The following COL13A1 variants were observed in gnomAD, a reference collection of about 807,000 sequenced individuals.
COL13A1 encodes collagen type XIII alpha 1 chain.
A neutral mutation model predicts 130.9 loss-of-function variants in COL13A1; 89 were observed. That is an observed-to-expected ratio of 0.68 (90% confidence interval 0.57 to 0.81). COL13A1 has a LOEUF of 0.81. COL13A1 is among the 30% of genes least tolerant of loss of function. The pLI, the probability that COL13A1 is intolerant of heterozygous loss-of-function variation, is 0.00. For missense variants in COL13A1, 879 were observed against 934.6 expected (o/e 0.94, Z 0.78); for synonymous variants, 402 against 341.6 (o/e 1.18, Z -1.95).
At chr10:69,871,483 G>A (rs2059065973) in intron 3 of COL13A1, among the ~76,000 whole-genome samples, 1 of 152,110 alleles carries the variant, frequency 6.6e-6, no homozygotes, top group Non-Finnish European at 1.5e-5. Context: ...ATTCCCCAAG[G>A]ACTCCCCACC....
chr10:69,852,135 C>G (rs879620274), intron 2 of COL13A1, among the ~76,000 whole-genome samples: 12 of 152,200 alleles, frequency 7.9e-5, no homozygotes, highest in Non-Finnish European at 1.2e-4. Flanking sequence ...TAGGTTTCGA[C>G]TCCAACACCA....
At chr10:69,907,057 C>A (rs574188965) in intron 17 of COL13A1, among the ~76,000 whole-genome samples, 1 of 152,144 alleles carries the variant, frequency 6.6e-6, no homozygotes, top group Admixed American at 6.6e-5. Context: ...CCACTGTGGG[C>A]CTTCCACTAG....
At chr10:69,866,956 G>T (rs570758214) in intron 2 of COL13A1, among the ~76,000 whole-genome samples, 57 of 152,266 alleles carry the variant, frequency 3.7e-4, no homozygotes, top group Non-Finnish European at 5.3e-4. Flanking sequence ...GGAGGGTGGG[G>T]TTTCGTGGCT....
intron 3 of COL13A1, among the ~76,000 whole-genome samples, chr10:69,870,175 G>GTA (rs1441782432): frequency 6.9e-5 from 10 of 145,644 alleles, no homozygotes; most frequent in African/African-American, 2.2e-4. Context: ...TGTGTGTACT[G>GTA]TATATATATA....
At chr10:69,889,289 A>AGGGGACAGGGAGGAGCACG (rs1223548428) in intron 9 of COL13A1, 125 bp from the exon 10 acceptor site, 23 of 1,199,174 alleles carry the variant, frequency 1.9e-5, no homozygotes, top group Non-Finnish European at 2.7e-5. Flanking sequence ...GATGGAGCAC[A>AGGGGACAGGGAGGAGCACG]GGGGACAGGG....
intron 1 of COL13A1, among the ~76,000 whole-genome samples, chr10:69,808,764 C>T (rs1487906906): frequency 3.3e-5 from 5 of 152,240 alleles, no homozygotes; most frequent in Non-Finnish European, 7.3e-5. Context: ...GCAGCTCTCA[C>T]AAATTAGCTG....
At chr10:69,939,192 G>A (rs1364566402) in intron 34 of COL13A1, among the ~76,000 whole-genome samples, 2 of 152,210 alleles carry the variant, frequency 1.3e-5, no homozygotes, top group South Asian at 2.1e-4. Context: ...ACACTAGGGA[G>A]TGGAGGGGAC....
Position 69,866,071 on chromosome 10 carries a change from G to A in COL13A1, c.365-1727G>A, listed in dbSNP as rs535655466. On this transcript the variant is annotated intron_variant, in intron 2 of 40. Transcript: ENST00000645393. ...AGTGACAATGGTGGTGGCAGTGGTG[G>A]TGATGTAAAAACCCTCAAAATCTTC... Among the ~76,000 whole-genome samples, 53 of 152,326 alleles carry A rather than the reference G, an allele frequency of 3.5e-4. No homozygotes were observed. In the South Asian group the frequency reaches 0.011, roughly 32 times the overall value.
chr10:69,882,388 G>A (rs531468553), intron 7 of COL13A1, among the ~76,000 whole-genome samples: 3 of 150,000 alleles, frequency 2.0e-5, no homozygotes, highest in Non-Finnish European at 4.5e-5. Flanking sequence ...TGCTCCTCCC[G>A]GCCTCTGCCC....
chr10:69,905,004 C>T (rs1373240260), intron 16 of COL13A1, 45 bp downstream of exon 16: 1 of 1,552,236 alleles, frequency 6.4e-7, no homozygotes, highest in Non-Finnish European at 8.7e-7. Flanking sequence ...GGGAGAATTC[C>T]CTGCAGGAGG....
chr10:69,878,160 C>A, intron 6 of COL13A1, 95 bp downstream of exon 6: 1 of 687,786 alleles, frequency 1.5e-6, no homozygotes, highest in Non-Finnish European at 2.7e-6. Flanking sequence ...CCATGAAAGC[C>A]GCAGCAGAGG....
chr10:69,923,156 C>G (rs2064905149), intron 23 of COL13A1, among the ~76,000 whole-genome samples: 1 of 152,184 alleles, frequency 6.6e-6, no homozygotes, highest in African/African-American at 2.4e-5. Flanking sequence ...TGTAACTGAG[C>G]AAGGGACCAA....
intron 10 of COL13A1, among the ~76,000 whole-genome samples, chr10:69,892,094 A>G (rs1564967655): frequency 1.3e-5 from 2 of 151,946 alleles, no homozygotes; most frequent in Non-Finnish European, 2.9e-5. Context: ...AGGCAGGCCC[A>G]CCCCCTCTCT....
At chr10:69,850,834 C>T (rs1854572617) in intron 2 of COL13A1, among the ~76,000 whole-genome samples, 1 of 152,248 alleles carries the variant, frequency 6.6e-6, no homozygotes, top group Non-Finnish European at 1.5e-5. Flanking sequence ...ACGGGGATGG[C>T]CCCTCAGAGT....
intron 1 of COL13A1, among the ~76,000 whole-genome samples, chr10:69,818,536 TGTGATTA>T (rs1278890420): frequency 1.3e-5 from 2 of 152,226 alleles, no homozygotes; most frequent in African/African-American, 4.8e-5. Flanking sequence ...GATTGGCTCA[TGTGATTA>T]TGGAGATGAG....
chr10:69,907,878 G>A (rs528892195), intron 17 of COL13A1, among the ~76,000 whole-genome samples: 1 of 152,350 alleles, frequency 6.6e-6, no homozygotes, highest in South Asian at 2.1e-4. Context: ...CATGAGGGCA[G>A]AGCTATCATA....
intron 2 of COL13A1, among the ~76,000 whole-genome samples, chr10:69,862,788 G>C (rs747655449): frequency 1.3e-5 from 2 of 152,028 alleles, no homozygotes; most frequent in African/African-American, 2.4e-5. Flanking sequence ...AAACTCTCTG[G>C]GCCTCAGGTT....
intron 29 of COL13A1, 40 bp downstream of exon 29, chr10:69,930,127 T>C: frequency 6.2e-7 from 1 of 1,607,106 alleles, no homozygotes; most frequent in South Asian, 1.1e-5. Flanking sequence ...CTGAAGACAG[T>C]CTTGGCCCTG....
Position 69,822,989 on chromosome 10 carries a change from G to A in COL13A1, c.364+551G>A, listed in dbSNP as rs192977657. Among the ~76,000 whole-genome samples the A allele has an allele frequency of 1.9e-4, 29 of 152,358 alleles. No homozygotes were observed. In the South Asian group the frequency reaches 5.0e-3, roughly 26 times the overall value. ...GGAATGAAGGCACAAGCCAAAGGTC[G>A]CAAGGTGATACTGTGTAATACAGTG... On this transcript the variant is annotated intron_variant, in intron 2 of 40. Transcript: ENST00000645393.
Sources: allele counts gnomAD v4.1 joint callset (sites outside exome capture counted in the v4.1 genomes callset), GRCh38; gene constraint gnomAD v4.1.1; transcripts MANE v1.5; gene names NCBI Gene and HGNC (gene_info 2026-07-23, HGNC 2026-07-21).